The following TGM6 variants were observed in gnomAD, a reference collection of about 807,000 sequenced individuals.
TGM6 encodes the protein transglutaminase 6.
A neutral mutation model predicts 77.5 loss-of-function variants in TGM6; 74 were observed. The ratio of observed to expected loss-of-function variants is 0.96; its 90% CI spans 0.79 to 1.16. The LOEUF (loss-of-function observed/expected upper bound fraction) is 1.16. Ranked by LOEUF, TGM6 falls within the 50% of genes most tolerant of loss-of-function variation. The pLI is 0.00. For synonymous variants in TGM6, 383 were observed against 378.9 expected (o/e 1.01, Z -0.12); for missense variants, 968 against 940.2 (o/e 1.03, Z -0.39).
chr20:2,396,749 C>A, intron 4 of TGM6, 125 bp downstream of exon 4: 2 of 857,350 alleles, frequency 2.3e-6, no homozygotes. Context: ...TAGAGAAAAC[C>A]CACTCATTCA....
At chr20:2,414,304 AT>A (rs1037907264) in intron 9 of TGM6, among the ~76,000 whole-genome samples, 6 of 152,242 alleles carry the variant, frequency 3.9e-5, no homozygotes, top group Non-Finnish European at 7.3e-5. Flanking sequence ...CAATAAGCAC[AT>A]AAAAAGATGC....
chr20:2,425,312 C>T lies in TGM6; in HGVS notation c.1679-5134C>T, dbSNP rs559907143. ...GCAGTGAGCTATGATCACACCACTG[C>T]ACTTACAGCCTGGGTGACAGAGCAA... is the stretch of plus-strand genomic sequence containing the variant. On this transcript the variant is annotated intron_variant, in intron 10 of 12. Coordinates refer to ENST00000202625, the MANE Select transcript of TGM6 (RefSeq NM_198994.3). 9.2e-5 allele frequency among the ~76,000 whole-genome samples: 14 copies of T among 151,500 alleles called. No individual in the cohort carries two copies. In the East Asian group the frequency reaches 2.5e-3, roughly 27 times the overall value.
intron 4 of TGM6, among the ~76,000 whole-genome samples, 197 bp downstream of exon 4, chr20:2,396,821 T>C (rs1171075389): frequency 6.6e-6 from 1 of 152,132 alleles, no homozygotes; most frequent in African/African-American, 2.4e-5. Flanking sequence ...GGGGAGGTGC[T>C]TTGGACAAGG....
At chr20:2,416,851 G>C (rs2084819577) in intron 9 of TGM6, among the ~76,000 whole-genome samples, 1 of 152,154 alleles carries the variant, frequency 6.6e-6, no homozygotes, top group African/African-American at 2.4e-5. Flanking sequence ...TAAGCTGTGT[G>C]ATTGAGGAGT....
rs139405372 is a variant in TGM6 at position 2,428,031 on chromosome 20, T to C, written c.1679-2415T>C. Among the ~76,000 whole-genome samples the C allele has an allele frequency of 2.6e-3, 399 of 152,332 alleles. 2 individuals carry two copies. The highest frequency in any genetic ancestry group is 9.0e-3 in the African/African-American group (374 of 41,570). ...GTGTGTTGTTTAATCCCTAGGTATT[T>C]TAGATTTTTCAGCTGTCTTTCTGTC... On this transcript the variant is annotated intron_variant, in intron 10 of 12. Coordinates refer to ENST00000202625, the MANE Select transcript of TGM6 (RefSeq NM_198994.3).
intron 9 of TGM6, among the ~76,000 whole-genome samples, chr20:2,414,886 G>A (rs2084804410): frequency 6.7e-6 from 1 of 150,274 alleles, no homozygotes; most frequent in African/African-American, 2.5e-5. Context: ...CTAGGGCTGG[G>A]GTTGGGGTGG....
chr20:2,388,653 T>C (rs2122331590), intron 1 of TGM6, among the ~76,000 whole-genome samples: 1 of 151,624 alleles, frequency 6.6e-6, no homozygotes. Flanking sequence ...TGTGTAACTC[T>C]GTACCTCAGT....
chr20:2,432,548 AAAAGTGGCCC>A lies in TGM6; in HGVS notation c.2029_2038del (p.Ser677GlyfsTer8), dbSNP rs1254392640. 1 of 1,613,984 alleles carries A rather than the reference AAAAGTGGCCC, an allele frequency of 6.2e-7. No individual in the cohort carries two copies. Among genetic ancestry groups the A allele is most frequent in the Non-Finnish European group, 8.5e-7 (1 of 1,180,004 alleles). On this transcript the variant is annotated frameshift_variant, in exon 13 of 13. Transcript: ENST00000202625. LOFTEE classifies it high-confidence loss of function. Reference sequence around the variant, plus strand: ...AGTCCAGTTTGACATCACCCCCTCCAAAAGTGGCCCAAGGCAGCTGCAGGTGGACCTTGTA... The same window carrying A: ...AGTCCAGTTTGACATCACCCCCTCCAAAGGCAGCTGCAGGTGGACCTTGTA...
At chr20:2,395,919 G>A (rs1003081287) in intron 3 of TGM6, among the ~76,000 whole-genome samples, 5 of 152,142 alleles carry the variant, frequency 3.3e-5, no homozygotes, top group Admixed American at 6.5e-5. Context: ...AGTGGCTCAC[G>A]CCTGTAACCC....
At chr20:2,391,825 A>C (rs2084631179) in intron 1 of TGM6, among the ~76,000 whole-genome samples, 1 of 152,090 alleles carries the variant, frequency 6.6e-6, no homozygotes, top group African/African-American at 2.4e-5. Flanking sequence ...ATCCCACTCC[A>C]AGCATTGGTG....
At chr20:2,396,466 A>G in intron 3 of TGM6, 40 bp from the exon 4 acceptor site, 1 of 1,601,046 alleles carries the variant, frequency 6.2e-7, no homozygotes, top group Non-Finnish European at 8.6e-7. Context: ...CAGCAAGGCC[A>G]GAGCCCCAGT....
chr20:2,398,189 G>A (rs2084682185), intron 5 of TGM6, 143 bp downstream of exon 5: 4 of 1,369,146 alleles, frequency 2.9e-6, no homozygotes, highest in Non-Finnish European at 2.0e-6. Flanking sequence ...ACTCAGTGGT[G>A]TAAAACAACC....
intron 9 of TGM6, among the ~76,000 whole-genome samples, chr20:2,410,041 T>G (rs931353644): frequency 1.3e-5 from 2 of 152,176 alleles, no homozygotes; most frequent in Non-Finnish European, 2.9e-5. Flanking sequence ...CTAAAACTCT[T>G]GGAGTCTTCA....
intron 2 of TGM6, among the ~76,000 whole-genome samples, 182 bp from the exon 3 acceptor site, chr20:2,395,012 G>A (rs527797549): frequency 2.3e-4 from 35 of 152,348 alleles, no homozygotes; most frequent in Non-Finnish European, 3.4e-4. Flanking sequence ...GGGATGTCAG[G>A]GCAGCTGAGG....
chr20:2,430,174 A>AT (rs1214798977), intron 10 of TGM6, among the ~76,000 whole-genome samples: 2 of 152,040 alleles, frequency 1.3e-5, no homozygotes, highest in African/African-American at 2.4e-5. Flanking sequence ...TCTTGGAGAA[A>AT]TTATCTGGTA....
chr20:2,401,510 G>A (rs755053573), intron 7 of TGM6, among the ~76,000 whole-genome samples: 18 of 152,146 alleles, frequency 1.2e-4, no homozygotes, highest in Non-Finnish European at 1.8e-4. Flanking sequence ...ACAATTCCAC[G>A]TAAATACACA....
intron 10 of TGM6, among the ~76,000 whole-genome samples, chr20:2,425,799 G>A (rs925516893): frequency 5.3e-5 from 8 of 152,046 alleles, no homozygotes; most frequent in African/African-American, 1.7e-4. Context: ...TGTAACAATC[G>A]AATCAGGGTA....
chr20:2,409,862 T>C (rs535504521), intron 9 of TGM6, among the ~76,000 whole-genome samples: 1 of 152,306 alleles, frequency 6.6e-6, no homozygotes, highest in South Asian at 2.1e-4. Flanking sequence ...GTTGATTCTT[T>C]GAAAAGACTG....
chr20:2,422,675 T>C (rs935555494), intron 10 of TGM6, among the ~76,000 whole-genome samples: 7 of 152,150 alleles, frequency 4.6e-5, no homozygotes, highest in African/African-American at 1.4e-4. Flanking sequence ...TGCATACCTG[T>C]AATCCCAGCA....
Sources: gnomAD v4.1 joint callset for allele counts (sites outside exome capture counted in the v4.1 genomes callset) on GRCh38, gnomAD v4.1.1 for gene constraint, MANE v1.5 for transcripts, NCBI Gene and HGNC (gene_info 2026-07-23, HGNC 2026-07-21) for gene names.